ADCY2: variants seen among roughly 807,000 people sequenced by gnomAD.
ADCY2 encodes the protein adenylate cyclase 2, also known as adenylate cyclase type 2.
ADCY2 carries 31 observed loss-of-function variants against 125.2 expected under a neutral mutation model. The ratio of observed to expected loss-of-function variants is 0.25; its 90% CI spans 0.19 to 0.33. The LOEUF (loss-of-function observed/expected upper bound fraction) is 0.33. Ranked by LOEUF, ADCY2 falls within the 10% of genes least tolerant of loss-of-function variation. The pLI, the probability that ADCY2 is intolerant of heterozygous loss-of-function variation, is 1.00. For missense variants in ADCY2, 904 were observed against 1,418.2 expected, an observed-to-expected ratio of 0.64 and a Z score of 5.82; for synonymous variants, 512 against 548.4, an observed-to-expected ratio of 0.93 and a Z score of 0.93.
intron 6 of ADCY2, among the ~76,000 whole-genome samples, chr5:7,697,539 GA>G (rs1261354959): frequency 5.3e-5 from 8 of 152,288 alleles, no homozygotes; most frequent in African/African-American, 1.9e-4. Flanking sequence ...AGCTGTTTGG[GA>G]AGTATGGGAG....
intron 2 of ADCY2, among the ~76,000 whole-genome samples, chr5:7,517,133 C>G (rs1194395730): frequency 2.6e-5 from 4 of 152,114 alleles, no homozygotes; most frequent in African/African-American, 9.7e-5. Context: ...GCATGTCTTG[C>G]AAAAGGCAAG....
chr5:7,683,876 A>G (rs1244298718), intron 4 of ADCY2, among the ~76,000 whole-genome samples: 1 of 152,166 alleles, frequency 6.6e-6, no homozygotes, highest in African/African-American at 2.4e-5. Context: ...TCTTCTTCTT[A>G]TCTCCTTCTG....
chr5:7,396,158 C>G lies in ADCY2; in HGVS notation c.-139C>G, dbSNP rs1739015291. On this transcript the variant is annotated 5_prime_UTR_variant, in exon 1 of 25. Transcript: ENST00000338316. The surrounding 1 kb of genome is among the most constrained non-coding windows in gnomAD (Gnocchi z 5.7). ...AGCCCGGGGCGCCGAGCTCCGCCCGCGCCGGAGGCCCCTGCGCGCAGCTCC... is the reference window on the plus strand; with the variant it reads ...AGCCCGGGGCGCCGAGCTCCGCCCGGGCCGGAGGCCCCTGCGCGCAGCTCC... The G allele has an allele frequency of 4.5e-6, 1 of 223,790 alleles. No homozygotes were observed. The highest frequency in any genetic ancestry group is 7.3e-6 in the Non-Finnish European group (1 of 137,716). 13.9% of individuals were successfully genotyped at this position (223,790 alleles called of 1,614,324 possible).
intron 3 of ADCY2, among the ~76,000 whole-genome samples, chr5:7,624,471 A>G (rs773642950): frequency 3.3e-5 from 5 of 152,150 alleles, no homozygotes; most frequent in Non-Finnish European, 7.4e-5. Flanking sequence ...CTTGGCTGAG[A>G]ATGCAGGACA....
At chr5:7,763,047 TTTTTTTTG>T (rs1579406054) in intron 16 of ADCY2, among the ~76,000 whole-genome samples, 2 of 134,444 alleles carry the variant, frequency 1.5e-5, no homozygotes, top group South Asian at 2.6e-4. Flanking sequence ...ATTTTCTTTG[TTTTTTTTG>T]TTTGTTTGTT....
At chr5:7,491,439 C>T (rs1184381756) in intron 2 of ADCY2, among the ~76,000 whole-genome samples, 1 of 152,056 alleles carries the variant, frequency 6.6e-6, no homozygotes, top group African/African-American at 2.4e-5. Context: ...CTACTTTCTT[C>T]CATTTATCTT....
At chr5:7,704,949 A>G (rs547945249) in intron 7 of ADCY2, among the ~76,000 whole-genome samples, 5 of 152,072 alleles carry the variant, frequency 3.3e-5, no homozygotes, top group Non-Finnish European at 7.4e-5. Context: ...TTTAAAAAAG[A>G]CAACATGGAG....
At chr5:7,737,118 G>A (rs966702074) in intron 14 of ADCY2, among the ~76,000 whole-genome samples, 2 of 152,120 alleles carry the variant, frequency 1.3e-5, no homozygotes, top group Non-Finnish European at 2.9e-5. Context: ...CCCAGAGAAA[G>A]CTTTATCTAG....
chr5:7,749,974 C>G (rs1742753711), intron 15 of ADCY2, among the ~76,000 whole-genome samples: 1 of 152,140 alleles, frequency 6.6e-6, no homozygotes. Flanking sequence ...GTTCCTTGTT[C>G]CATCTTTCTA....
intron 22 of ADCY2, among the ~76,000 whole-genome samples, chr5:7,812,725 C>T (rs141252896): frequency 5.8e-4 from 88 of 152,186 alleles, no homozygotes; most frequent in African/African-American, 1.9e-3. Context: ...CTGGCCAACA[C>T]GGTGAAACCC....
chr5:7,640,355 A>G (rs1223928531), intron 4 of ADCY2, among the ~76,000 whole-genome samples: 1 of 152,196 alleles, frequency 6.6e-6, no homozygotes, highest in East Asian at 1.9e-4. Context: ...GGCTCAGAAG[A>G]CATAACACTT....
intron 2 of ADCY2, among the ~76,000 whole-genome samples, chr5:7,517,007 A>C (rs1744275113): frequency 6.6e-6 from 1 of 152,146 alleles, no homozygotes; most frequent in Admixed American, 6.5e-5. Context: ...CAGAGGCATT[A>C]TGGGCAGACT....
intron 3 of ADCY2, among the ~76,000 whole-genome samples, chr5:7,615,614 T>G (rs1468502596): frequency 6.6e-6 from 1 of 152,166 alleles, no homozygotes; most frequent in Non-Finnish European, 1.5e-5. Context: ...CATCAAAACT[T>G]TAGTTCTTTG....
chr5:7,665,008 C>T (rs1579292918), intron 4 of ADCY2, among the ~76,000 whole-genome samples: 1 of 151,898 alleles, frequency 6.6e-6, no homozygotes, highest in East Asian at 1.9e-4. Context: ...TTTGAGTTGT[C>T]CCACCTTTCT....
At chr5:7,583,362 A>G (rs545210615) in intron 3 of ADCY2, among the ~76,000 whole-genome samples, 16 of 152,244 alleles carry the variant, frequency 1.1e-4, no homozygotes, top group South Asian at 6.2e-4. Flanking sequence ...ATTGAAATAC[A>G]AAGGACTTAG....
chr5:7,589,401 A>G (rs1444619849), intron 3 of ADCY2, among the ~76,000 whole-genome samples: 1 of 140,634 alleles, frequency 7.1e-6, no homozygotes, highest in Non-Finnish European at 1.5e-5. Context: ...AAGAAAGAAG[A>G]GAGAAAGAGG....
At chr5:7,790,609 G>C (rs1744222623) in intron 20 of ADCY2, among the ~76,000 whole-genome samples, 1 of 152,198 alleles carries the variant, frequency 6.6e-6, no homozygotes, top group South Asian at 2.1e-4. Context: ...CCAGATGTCT[G>C]AGATGTGTAA....
At chr5:7,445,865 G>A (rs1281669897) in intron 2 of ADCY2, among the ~76,000 whole-genome samples, 1 of 151,802 alleles carries the variant, frequency 6.6e-6, no homozygotes, top group Non-Finnish European at 1.5e-5. Context: ...TCCTCATATT[G>A]TTTTCAACAG....
At chr5:7,702,844 A>G (rs2126341354) in intron 7 of ADCY2, among the ~76,000 whole-genome samples, 1 of 152,334 alleles carries the variant, frequency 6.6e-6, no homozygotes, top group East Asian at 1.9e-4. Context: ...AGTCCCACCA[A>G]CAGTGTAAAA....
Sources: allele counts gnomAD v4.1 joint callset (sites outside exome capture counted in the v4.1 genomes callset), GRCh38; gene constraint gnomAD v4.1.1; non-coding constraint Gnocchi (gnomAD v3.1); transcripts MANE v1.5; gene names NCBI Gene and HGNC (gene_info 2026-07-23, HGNC 2026-07-21).